Variants in C2CD2 observed in about 807,000 individuals in gnomAD.
C2CD2 encodes C2 domain-containing protein 2.
Under a neutral mutation model 74.3 loss-of-function variants are expected in C2CD2, and 43 were observed. That is an observed-to-expected ratio of 0.58 (90% CI 0.45 to 0.75). C2CD2 has a LOEUF of 0.75. Ranked by LOEUF, C2CD2 falls within the 30% of genes least tolerant of loss-of-function variation. The pLI, the probability that C2CD2 is intolerant of heterozygous loss-of-function variation, is 0.00. For synonymous variants in C2CD2, 422 were observed against 390.7 expected, an observed-to-expected ratio of 1.08 and a Z score of -0.94; for missense variants, 801 against 916.3, an observed-to-expected ratio of 0.87 and a Z score of 1.63.
chr21:41,921,339 C>T (rs536626802), intron 3 of C2CD2, among the ~76,000 whole-genome samples: 9 of 152,112 alleles, frequency 5.9e-5, no homozygotes, highest in Admixed American at 4.6e-4. Context: ...AATATCTGGC[C>T]GGATGTGAGA....
chr21:41,902,513 C>T (rs1045131242), intron 11 of C2CD2, among the ~76,000 whole-genome samples: 2 of 152,212 alleles, frequency 1.3e-5, no homozygotes, highest in African/African-American at 4.8e-5. Flanking sequence ...GCCAGGAGGC[C>T]CCAGAGCTGA....
rs149962437 is a variant in C2CD2, at chr21:41,905,800, G to T, written c.1356C>A (p.Ile452=). 1 of 1,609,942 alleles carries T rather than the reference G, an allele frequency of 6.2e-7. No individual in the cohort carries two copies. The highest frequency in any genetic ancestry group is 1.7e-5 in the Admixed American group (1 of 59,992). The change falls in exon 11 of 14, where the codon ATC becomes ATA. Residue 452 remains isoleucine, a synonymous_variant. Coordinates refer to ENST00000380486, the MANE Select transcript of C2CD2 (RefSeq NM_015500.2). ...TGGCCTGGACAGAGATGTCCTTCTC[G>T]ATCACCTTCACCTTGATGGGAGTCT... ...PVKTPIKVKV[I]EKDISVQAIA...
intron 2 of C2CD2, among the ~76,000 whole-genome samples, chr21:41,937,353 G>A (rs936346289): frequency 1.3e-5 from 2 of 151,964 alleles, no homozygotes; most frequent in Non-Finnish European, 2.9e-5. Flanking sequence ...TCCTGACCTC[G>A]TGATCCACCT....
chr21:41,897,801 C>T (rs1453647492), intron 13 of C2CD2, among the ~76,000 whole-genome samples: 2 of 152,192 alleles, frequency 1.3e-5, no homozygotes, highest in African/African-American at 2.4e-5. Flanking sequence ...GACAGTCCAG[C>T]CCATGGCAGG....
chr21:41,928,136 A>G (rs1346691481), intron 2 of C2CD2, among the ~76,000 whole-genome samples: 1 of 152,234 alleles, frequency 6.6e-6, no homozygotes, highest in African/African-American at 2.4e-5. Context: ...AGCAGAAGGG[A>G]AGTAGGTCTT....
Position 41,940,642 on chromosome 21 carries a change from T to C in C2CD2, c.378+1505A>G, listed in dbSNP as rs1019827547. On this transcript the variant is annotated intron_variant, in intron 2 of 13. Coordinates refer to ENST00000380486, the MANE Select transcript of C2CD2 (RefSeq NM_015500.2). ...CCAACTTTACAAGAACAGTCATCAC[T>C]GTAGGTAGGAAGAGGAGGAATGGAG... 5.9e-5 allele frequency among the ~76,000 whole-genome samples: 9 copies of C among 152,230 alleles called. No individual in the cohort carries two copies. The East Asian group carries it at 9.6e-4, about 16-fold the overall frequency.
Position 41,899,403 on chromosome 21 carries a change from A to T in C2CD2, c.1561-41T>A. 3 of 1,564,818 alleles carry T rather than the reference A, an allele frequency of 1.9e-6. No homozygotes were observed. In the South Asian group the frequency reaches 3.4e-5, roughly 18 times the overall value. On this transcript the variant is annotated intron_variant, in intron 12 of 13. Coordinates refer to ENST00000380486, the MANE Select transcript of C2CD2 (RefSeq NM_015500.2). The surrounding 1 kb of genome is among the most constrained non-coding windows in gnomAD (Gnocchi z 4.4). ...GGGAAGATGACAAGGGATACATGAA[A>T]GGAAGGGAGGGTTTGAAAAGAACTG...
Position 41,953,517 on chromosome 21 carries a change from C to A in C2CD2, c.132G>T (p.Gln44His), listed in dbSNP as rs1320281373. ...AQWALARARPQPQRRAVEPGE... is the reference protein window; with the variant it reads ...AQWALARARPHPQRRAVEPGE... ...CAGGCTCCACCGCCCGCCGCTGGGG[C>A]TGGGGTCGCGCCCTGGCCAGCGCCC... The change falls in exon 1 of 14, where the codon CAG (glutamine) becomes CAT (histidine). Residue 44 changes from glutamine (Q) to histidine (H), a missense_variant. Coordinates refer to ENST00000380486, the MANE Select transcript of C2CD2 (RefSeq NM_015500.2). The A allele has an allele frequency of 2.7e-6, 4 of 1,481,922 alleles. No homozygotes were observed. The South Asian group carries it at 5.2e-5, about 19-fold the overall frequency. The allele number at this position is 1,481,922 out of a possible 1,614,324, so 91.8% of individuals were successfully genotyped here. A position where few individuals can be genotyped will look rare whatever the true frequency, so the allele number is the denominator to read the frequency against.
chr21:41,896,633 C>G (rs1019157287), intron 13 of C2CD2, among the ~76,000 whole-genome samples: 1 of 139,628 alleles, frequency 7.2e-6, no homozygotes, highest in Non-Finnish European at 1.5e-5. Context: ...CAGGAGGATT[C>G]GAAATACACA....
chr21:41,952,423 A>T (rs1247885195), intron 1 of C2CD2, among the ~76,000 whole-genome samples: 1 of 152,224 alleles, frequency 6.6e-6, no homozygotes, highest in East Asian at 1.9e-4. Flanking sequence ...CTATTTCCAC[A>T]GCGAATGACC....
At chr21:41,930,015 C>T (rs757307021) in intron 2 of C2CD2, among the ~76,000 whole-genome samples, 15 of 133,864 alleles carry the variant, frequency 1.1e-4, no homozygotes, top group African/African-American at 2.2e-4. Context: ...AGGGAGGAAG[C>T]GAGCAGGTGA....
At chr21:41,916,405 G>A (rs146842270) in intron 5 of C2CD2, among the ~76,000 whole-genome samples, 1,931 of 147,756 alleles carry the variant, frequency 0.013, 33 homozygotes, top group African/African-American at 0.045. Flanking sequence ...CAATGGAACA[G>A]AAAGGCTGAG....
Position 41,907,072 on chromosome 21 carries a change from CAG to C in C2CD2, c.1236_1237del (p.Cys413TrpfsTer27). 6.2e-7 allele frequency: 1 copy of C among 1,613,998 alleles called. No homozygotes were observed. ...AGTGACAGTAGTGACCACAGTCCCA[CAG>C]GGCATCACCGTGCGGTCCTTTTCTA... is the stretch of plus-strand genomic sequence containing the variant. On this transcript the variant is annotated frameshift_variant, in exon 10 of 14. Coordinates refer to ENST00000380486, the MANE Select transcript of C2CD2 (RefSeq NM_015500.2). LOFTEE classifies it high-confidence loss of function.
rs1231212159 is a variant in C2CD2 at position 41,899,479 on chromosome 21, T to C, written c.1561-117A>G. The C allele has an allele frequency of 4.9e-6, 5 of 1,018,634 alleles. No individual in the cohort carries two copies. Among genetic ancestry groups the C allele is most frequent in the African/African-American group, 1.6e-5 (1 of 62,916 alleles). The allele number at this position is 1,018,634 out of a possible 1,614,324, so 63.1% of individuals were successfully genotyped here. Reference sequence around the variant, plus strand: ...CAGCTGATTTCAAAGTCTCAGAAGATGCAGCCGTGGGCCTCATAGAAGGCG... The same window carrying C: ...CAGCTGATTTCAAAGTCTCAGAAGACGCAGCCGTGGGCCTCATAGAAGGCG... On this transcript the variant is annotated intron_variant, in intron 12 of 13. Transcript: ENST00000380486. The surrounding 1 kb of genome is among the most constrained non-coding windows in gnomAD (Gnocchi z 4.4).
rs775571283 is a variant in C2CD2 at position 41,892,702 on chromosome 21, G to A, written c.1871-3358C>T. On this transcript the variant is annotated intron_variant, in intron 13 of 13. Coordinates refer to ENST00000380486, the MANE Select transcript of C2CD2 (RefSeq NM_015500.2). This position sits in a 1 kb window ranked among gnomAD's most constrained non-coding sequence, Gnocchi z 4.6. ...CCAGGTCTTTTGAACATGCAGCTGG[G>A]GTTATCCACTGCTAGCCCGGGTCTG... 5.3e-5 allele frequency among the ~76,000 whole-genome samples: 8 copies of A among 152,196 alleles called. No homozygotes were observed. The highest frequency in any genetic ancestry group is 7.3e-5 in the Non-Finnish European group (5 of 68,038).
chr21:41,950,968 G>A (rs939629443), intron 1 of C2CD2, among the ~76,000 whole-genome samples: 13 of 152,286 alleles, frequency 8.5e-5, no homozygotes, highest in African/African-American at 2.4e-4. Context: ...GGCAGGAGGG[G>A]GAGCACTAAG....
intron 9 of C2CD2, 144 bp downstream of exon 9, chr21:41,907,516 G>T: frequency 1.2e-6 from 1 of 863,994 alleles, no homozygotes; most frequent in Non-Finnish European, 1.7e-6. Context: ...GTCTGGTCCT[G>T]CGTACGATGA....
rs1032871436 is a variant in C2CD2 at position 41,939,575 on chromosome 21, G to A, written c.378+2572C>T. ...GCTCTCTGCACCTCAGCTCCCAAGA[G>A]TATAAAATGGGCACTGGAGCACCTG... is the stretch of plus-strand genomic sequence containing the variant. On this transcript the variant is annotated intron_variant, in intron 2 of 13. Transcript: ENST00000380486. The surrounding 1 kb of genome is among the most constrained non-coding windows in gnomAD (Gnocchi z 5.5). Among the ~76,000 whole-genome samples, 1 of 152,178 alleles carries A rather than the reference G, an allele frequency of 6.6e-6. No individual in the cohort carries two copies. Among genetic ancestry groups the A allele is most frequent in the Non-Finnish European group, 1.5e-5 (1 of 68,028 alleles).
chr21:41,936,513 A>G (rs2065308472), intron 2 of C2CD2, among the ~76,000 whole-genome samples: 1 of 152,242 alleles, frequency 6.6e-6, no homozygotes, highest in Non-Finnish European at 1.5e-5. Flanking sequence ...TATTCCGGCC[A>G]TTACAGAAAA....
Sources: allele counts gnomAD v4.1 joint callset (sites outside exome capture counted in the v4.1 genomes callset), GRCh38; gene constraint gnomAD v4.1.1; non-coding constraint Gnocchi (gnomAD v3.1); transcripts MANE v1.5; gene names NCBI Gene and HGNC (gene_info 2026-07-23, HGNC 2026-07-21).